Variants in AUH observed in about 807,000 individuals in gnomAD.
AUH encodes the protein methylglutaconyl-CoA hydratase, mitochondrial.
AUH carries 29 observed loss-of-function variants against 42.3 expected under a neutral mutation model. The observed-to-expected ratio is 0.69, with a 90% confidence interval of 0.51 to 0.93. The LOEUF is 0.93. AUH is among the 40% of genes least tolerant of loss of function. The pLI is 0.00. For synonymous variants in AUH, 174 were observed against 166.4 expected, an observed-to-expected ratio of 1.05 and a Z score of -0.35; for missense variants, 452 against 438.1, an observed-to-expected ratio of 1.03 and a Z score of -0.28.
In AUH at chr9:91,283,071, C is replaced by T. The variant is rs186890929; in HGVS notation, c.655+12950G>A. Among the ~76,000 whole-genome samples the T allele has an allele frequency of 3.8e-3, 580 of 152,314 alleles. 4 individuals are homozygous for T. Among genetic ancestry groups the T allele is most frequent in the African/African-American group, 0.013 (556 of 41,558 alleles). ...CGGTGCAAAAATCCTCAATAAAATA[C>T]TGGCAAAACGAATCCAGCAGCACAT... On this transcript the variant is annotated intron_variant, in intron 6 of 9. Transcript: ENST00000375731.
intron 3 of AUH, among the ~76,000 whole-genome samples, chr9:91,344,551 A>G (rs753015933): frequency 6.6e-6 from 1 of 152,240 alleles, no homozygotes; most frequent in Non-Finnish European, 1.5e-5. Flanking sequence ...AAGAAACTCA[A>G]GTAGCCCTGT....
At chr9:91,283,038 A>G (rs1159784575) in intron 6 of AUH, among the ~76,000 whole-genome samples, 1 of 152,262 alleles carries the variant, frequency 6.6e-6, no homozygotes, top group Non-Finnish European at 1.5e-5. Context: ...AATATCCCTG[A>G]TGAACATCGG....
chr9:91,262,988 T>C (rs1829782776), intron 6 of AUH, among the ~76,000 whole-genome samples: 1 of 152,158 alleles, frequency 6.6e-6, no homozygotes, highest in Non-Finnish European at 1.5e-5. Flanking sequence ...TGCAGGCACT[T>C]TTGTTCTGCT....
Position 91,220,992 on chromosome 9 carries a change from C to G in AUH, c.656G>C (p.Gly219Ala), listed in dbSNP as rs1827104191. 2 of 1,614,082 alleles carry G rather than the reference C, an allele frequency of 1.2e-6. No homozygotes were observed. The highest frequency in any genetic ancestry group is 1.7e-6 in the Non-Finnish European group (2 of 1,180,008). ...ETKLAIIPGG[G>A]GTQRLPRAIG... ...GGCGCGTGGCAATCGCTGTGTCCCCCCTGAGGGGTGAAAGAGAGAGAAAAG... is the reference window on the plus strand; with the variant it reads ...GGCGCGTGGCAATCGCTGTGTCCCCGCTGAGGGGTGAAAGAGAGAGAAAAG... Residue 219 changes from glycine to alanine, a missense_variant and splice_region_variant, in exon 7 of 10, where the codon GGG becomes GCG. Coordinates refer to ENST00000375731, the MANE Select transcript of AUH (RefSeq NM_001698.3).
At chr9:91,273,570 A>T (rs901723640) in intron 6 of AUH, among the ~76,000 whole-genome samples, 28 of 152,258 alleles carry the variant, frequency 1.8e-4, no homozygotes, top group Non-Finnish European at 3.8e-4. Context: ...TGCAATATCA[A>T]CTGGCATTGA....
chr9:91,347,148 C>A (rs990910045), intron 3 of AUH, among the ~76,000 whole-genome samples: 1 of 152,162 alleles, frequency 6.6e-6, no homozygotes, highest in African/African-American at 2.4e-5. Flanking sequence ...GCAATCCTTG[C>A]ACCTCAGCCC....
chr9:91,216,258 A>T (rs978792119), intron 8 of AUH, 152 bp from the exon 9 acceptor site: 6 of 816,140 alleles, frequency 7.4e-6, no homozygotes, highest in Non-Finnish European at 1.2e-5. Context: ...TGAGACACAG[A>T]ACCAGGCTTC....
At chr9:91,310,037 C>G (rs1828580988) in intron 4 of AUH, among the ~76,000 whole-genome samples, 1 of 152,146 alleles carries the variant, frequency 6.6e-6, no homozygotes, top group Non-Finnish European at 1.5e-5. Flanking sequence ...CTGGGTCAAC[C>G]TGCCTCAACT....
intron 4 of AUH, among the ~76,000 whole-genome samples, chr9:91,321,105 T>G (rs920985765): frequency 2.6e-5 from 4 of 152,248 alleles, no homozygotes; most frequent in Non-Finnish European, 5.9e-5. Context: ...TTGAAATGTA[T>G]TTTGACCAAT....
Position 91,298,086 on chromosome 9 carries a change from A to G in AUH, c.506-10T>C. 6.2e-7 allele frequency: 1 copy of G among 1,601,048 alleles called. No individual in the cohort carries two copies. Among genetic ancestry groups the G allele is most frequent in the Non-Finnish European group, 8.6e-7 (1 of 1,168,250 alleles). On this transcript the variant is annotated splice_polypyrimidine_tract_variant and intron_variant, in intron 4 of 9. Transcript: ENST00000375731. Reference sequence around the variant, plus strand: ...GGTACTGGAAGATTAGCTGAAATGGAAAGAAAATTTTATGCTTCCTTAATA... The same window carrying G: ...GGTACTGGAAGATTAGCTGAAATGGGAAGAAAATTTTATGCTTCCTTAATA...
At chr9:91,231,284 A>G (rs934988257) in intron 6 of AUH, among the ~76,000 whole-genome samples, 14 of 152,294 alleles carry the variant, frequency 9.2e-5, no homozygotes, top group African/African-American at 3.4e-4. Context: ...GGAAAAGCGC[A>G]GTATTCGGGT....
intron 6 of AUH, among the ~76,000 whole-genome samples, chr9:91,246,612 A>C (rs1337331636): frequency 6.6e-6 from 1 of 152,268 alleles, no homozygotes; most frequent in Non-Finnish European, 1.5e-5. Context: ...ACATAAATAC[A>C]GAACTAATAA....
intron 4 of AUH, among the ~76,000 whole-genome samples, chr9:91,319,654 G>A (rs549064332): frequency 9.3e-4 from 141 of 152,288 alleles, no homozygotes; most frequent in African/African-American, 3.0e-3. Flanking sequence ...CTAGGAACAC[G>A]GGGCTGCAAA....
intron 6 of AUH, among the ~76,000 whole-genome samples, chr9:91,266,885 T>C (rs891902590): frequency 3.9e-5 from 6 of 152,210 alleles, no homozygotes; most frequent in Non-Finnish European, 7.3e-5. Flanking sequence ...GCAAACTTTA[T>C]AAAAAATTAT....
At position 91,330,203 on chromosome 9, in the gene AUH, GAA is replaced by G. The variant is rs201420405; in HGVS notation, c.419-4801_419-4800del. ...AAAAGAAATTTGAATGTGAAATCTC[GAA>G]AAGATATCACTTTCAAAACATCCAA... is the stretch of plus-strand genomic sequence containing the variant. On this transcript the variant is annotated intron_variant, in intron 3 of 9. Coordinates refer to ENST00000375731, the MANE Select transcript of AUH (RefSeq NM_001698.3). 9.0e-3 allele frequency among the ~76,000 whole-genome samples: 1,366 copies of G among 151,944 alleles called. 11 individuals carry two copies. The highest frequency in any genetic ancestry group is 0.014 in the Non-Finnish European group (972 of 67,912).
chr9:91,261,643 T>C (rs1245823725), intron 6 of AUH, among the ~76,000 whole-genome samples: 2 of 152,222 alleles, frequency 1.3e-5, no homozygotes, highest in African/African-American at 2.4e-5. Context: ...CACATATTAA[T>C]CCACTTCAGC....
At chr9:91,253,235 T>C (rs1052227531) in intron 6 of AUH, among the ~76,000 whole-genome samples, 20 of 152,230 alleles carry the variant, frequency 1.3e-4, no homozygotes, top group Non-Finnish European at 2.1e-4. Context: ...TAATGTTTAA[T>C]AGATGCACAG....
intron 7 of AUH, chr9:91,218,518 T>G: frequency 1.4e-6 from 1 of 707,630 alleles, no homozygotes; most frequent in Non-Finnish European, 1.7e-6. Flanking sequence ...TCAGTGGGTC[T>G]GAGATGGGCC....
At position 91,340,792 on chromosome 9, in the gene AUH, C is replaced by T. The variant is rs549388918; in HGVS notation, c.418+15091G>A. Among the ~76,000 whole-genome samples, 12 of 152,274 alleles carry T rather than the reference C, an allele frequency of 7.9e-5. No homozygotes were observed. The South Asian group carries it at 2.5e-3, about 32-fold the overall frequency. Reference sequence around the variant, plus strand: ...CCCCTGCTCCTCCAGCTGGAACAAACAGAGAAAACTGGAGTGTGAACCAGA... The same window carrying T: ...CCCCTGCTCCTCCAGCTGGAACAAATAGAGAAAACTGGAGTGTGAACCAGA... On this transcript the variant is annotated intron_variant, in intron 3 of 9. Coordinates refer to ENST00000375731, the MANE Select transcript of AUH (RefSeq NM_001698.3).
Sources: allele counts gnomAD v4.1 joint callset (sites outside exome capture counted in the v4.1 genomes callset), GRCh38; gene constraint gnomAD v4.1.1; transcripts MANE v1.5; gene names NCBI Gene and HGNC (gene_info 2026-07-23, HGNC 2026-07-21).